The following LOC128125817 variants were observed in gnomAD, a reference collection of about 807,000 sequenced individuals.
the LOC128125817 span, among the ~76,000 whole-genome samples, chr1:41,609,609 C>A: frequency 6.6e-6 from 1 of 152,252 alleles, no homozygotes; most frequent in South Asian, 2.1e-4. Context: ...CATAATGACA[C>A]CCCTTTTTAA....
the LOC128125817 span, among the ~76,000 whole-genome samples, chr1:41,613,651 A>C: frequency 2.2e-3 from 337 of 152,378 alleles, no homozygotes; most frequent in African/African-American, 7.7e-3. Flanking sequence ...TCTCATAAAC[A>C]TAACTCTTTA....
At chr1:41,606,859 A>G in the LOC128125817 span, among the ~76,000 whole-genome samples, 1 of 149,670 alleles carries the variant, frequency 6.7e-6, no homozygotes, top group Non-Finnish European at 1.5e-5. Context: ...TCTCTCTGGA[A>G]GTTTTTTGTT....
At chr1:41,620,695 CCT>C in the LOC128125817 span, among the ~76,000 whole-genome samples, 1 of 152,168 alleles carries the variant, frequency 6.6e-6, no homozygotes, top group Non-Finnish European at 1.5e-5. Flanking sequence ...TCTTTTCACC[CCT>C]CTGTCTCTGG....
chr1:41,613,112 G>C, the LOC128125817 span, among the ~76,000 whole-genome samples: 1 of 152,222 alleles, frequency 6.6e-6, no homozygotes, highest in African/African-American at 2.4e-5. Context: ...CAGCCGCTAG[G>C]GGCTCACTGC....
the LOC128125817 span, chr1:41,628,685 C>T: frequency 1.8e-6 from 2 of 1,127,916 alleles, no homozygotes; most frequent in African/African-American, 1.6e-5. Flanking sequence ...ACTAAGCAAG[C>T]TCATGCAAGA....
the LOC128125817 span, among the ~76,000 whole-genome samples, chr1:41,627,914 C>G: frequency 7.1e-6 from 1 of 141,452 alleles, no homozygotes; most frequent in Non-Finnish European, 1.6e-5. Context: ...CTTCCTTTGT[C>G]ATACCAGGCA....
the LOC128125817 span, among the ~76,000 whole-genome samples, chr1:41,609,252 C>T: frequency 6.6e-6 from 1 of 152,216 alleles, no homozygotes. Context: ...TCTCAGAACT[C>T]CATGGTGTCT....
chr1:41,607,765 G>A, the LOC128125817 span, among the ~76,000 whole-genome samples: 3 of 152,220 alleles, frequency 2.0e-5, no homozygotes, highest in Non-Finnish European at 4.4e-5. Context: ...CTAACTGCAG[G>A]AGTGGCTTAG....
chr1:41,625,897 T>C, the LOC128125817 span, among the ~76,000 whole-genome samples: 16 of 152,368 alleles, frequency 1.1e-4, no homozygotes, highest in Admixed American at 3.3e-4. Flanking sequence ...CATTTTAACC[T>C]GTTTTATATA....
At chr1:41,600,688 G>A in the LOC128125817 span, among the ~76,000 whole-genome samples, 1 of 152,144 alleles carries the variant, frequency 6.6e-6, no homozygotes, top group African/African-American at 2.4e-5. Context: ...TCAATGTTAT[G>A]TCTATTTTAC....
chr1:41,610,254 G>A, the LOC128125817 span, among the ~76,000 whole-genome samples: 4 of 152,294 alleles, frequency 2.6e-5, no homozygotes, highest in East Asian at 1.9e-4. Flanking sequence ...ATCCTTCAGC[G>A]AGCTTTCTAT....
the LOC128125817 span, among the ~76,000 whole-genome samples, chr1:41,624,617 GC>G: frequency 6.6e-6 from 1 of 152,242 alleles, no homozygotes; most frequent in Non-Finnish European, 1.5e-5. Flanking sequence ...ACACTCTGAA[GC>G]TTTCAATGAC....
chr1:41,600,207 C>T, the LOC128125817 span, among the ~76,000 whole-genome samples: 2 of 152,180 alleles, frequency 1.3e-5, no homozygotes, highest in African/African-American at 2.4e-5. Flanking sequence ...CCAGCAATTC[C>T]CCTTCTGGGT....
chr1:41,608,516 C>T, the LOC128125817 span, among the ~76,000 whole-genome samples: 1 of 152,232 alleles, frequency 6.6e-6, no homozygotes, highest in Non-Finnish European at 1.5e-5. Context: ...TGTACTTGCT[C>T]TTCTGAAGGG....
the LOC128125817 span, among the ~76,000 whole-genome samples, chr1:41,603,254 G>A: frequency 3.3e-5 from 5 of 151,900 alleles, no homozygotes; most frequent in African/African-American, 9.7e-5. Flanking sequence ...CTTTAGTAGC[G>A]ATGTGGTTTC....
At chr1:41,611,993 G>T in the LOC128125817 span, among the ~76,000 whole-genome samples, 1 of 152,002 alleles carries the variant, frequency 6.6e-6, no homozygotes, top group Admixed American at 6.5e-5. Context: ...TTTTTCTACA[G>T]GACCCAACCT....
At chr1:41,612,134 C>T in the LOC128125817 span, among the ~76,000 whole-genome samples, 1 of 152,114 alleles carries the variant, frequency 6.6e-6, no homozygotes, top group Non-Finnish European at 1.5e-5. Context: ...TTTCTGCCTC[C>T]TGCCAGGGTT....
chr1:41,605,367 GCA>G, the LOC128125817 span, among the ~76,000 whole-genome samples: 110 of 111,786 alleles, frequency 9.8e-4, 1 homozygote, highest in Non-Finnish European at 1.6e-3. Flanking sequence ...ATACACACAC[GCA>G]CACGCGCACA....
At chr1:41,627,562 T>A in the LOC128125817 span, among the ~76,000 whole-genome samples, 1 of 152,158 alleles carries the variant, frequency 6.6e-6, no homozygotes, top group Non-Finnish European at 1.5e-5. Flanking sequence ...ACACAGGCTC[T>A]AGCCACCCCG....
Sources: allele counts gnomAD v4.1 joint callset (sites outside exome capture counted in the v4.1 genomes callset), GRCh38; gene constraint gnomAD v4.1.1; transcripts MANE v1.5.